The following SLC38A9 variants were observed in gnomAD, a reference collection of about 807,000 sequenced individuals.
The protein encoded by SLC38A9 is neutral amino acid transporter 9.
In SLC38A9, 48 loss-of-function variants were observed where a neutral mutation model predicts 62.3. The ratio of observed to expected loss-of-function variants is 0.77; its 90% CI spans 0.61 to 0.98. SLC38A9 has a LOEUF of 0.98. Ranked by LOEUF, SLC38A9 falls within the 50% of genes least tolerant of loss-of-function variation. The pLI, the probability that SLC38A9 is intolerant of heterozygous loss-of-function variation, is 0.00. For synonymous variants in SLC38A9, 204 were observed against 227.7 expected (o/e 0.90, Z 0.94); for missense variants, 541 against 679.8 (o/e 0.80, Z 2.27).
At chr5:55,710,736 C>G (rs1757914002) in intron 2 of SLC38A9, among the ~76,000 whole-genome samples, 1 of 151,760 alleles carries the variant, frequency 6.6e-6, no homozygotes, top group Non-Finnish European at 1.5e-5. Flanking sequence ...CTGCCTCAGC[C>G]TCCTGAGTAG....
rs190412095 is a variant in SLC38A9, at chr5:55,708,788, G to A, written c.-35+2664C>T. ...TATTTCAGGCTTTTTGAGCCATATA[G>A]TTTCTGCAGCTACTCAATTCTACCT... On this transcript the variant is annotated intron_variant, in intron 2 of 15. Coordinates refer to ENST00000396865, the MANE Select transcript of SLC38A9 (RefSeq NM_173514.4). Among the ~76,000 whole-genome samples, 573 of 152,236 alleles carry A rather than the reference G, an allele frequency of 3.8e-3. 2 individuals are homozygous for A. The highest frequency in any genetic ancestry group is 0.013 in the African/African-American group (540 of 41,530).
chr5:55,656,985 C>A (rs2150227539), intron 8 of SLC38A9, among the ~76,000 whole-genome samples: 1 of 152,184 alleles, frequency 6.6e-6, no homozygotes, highest in African/African-American at 2.4e-5. Context: ...CTCAGCCTCC[C>A]GAGTAGCTGG....
At chr5:55,639,725 C>T (rs185954988) in intron 12 of SLC38A9, among the ~76,000 whole-genome samples, 29 of 152,020 alleles carry the variant, frequency 1.9e-4, no homozygotes, top group African/African-American at 6.5e-4. Context: ...ATATAGTACC[C>T]ATTTAGGTTG....
chr5:55,672,185 AT>A (rs1751437238), intron 4 of SLC38A9, among the ~76,000 whole-genome samples: 1 of 152,186 alleles, frequency 6.6e-6, no homozygotes, highest in South Asian at 2.1e-4. Flanking sequence ...TTCTAAAAAA[AT>A]ATTTCCCTTA....
intron 7 of SLC38A9, among the ~76,000 whole-genome samples, chr5:55,667,743 A>G (rs969961373): frequency 6.6e-6 from 1 of 151,712 alleles, no homozygotes; most frequent in African/African-American, 2.4e-5. Context: ...ATTTTATTTT[A>G]TTTTAAGACA....
intron 9 of SLC38A9, among the ~76,000 whole-genome samples, chr5:55,655,130 A>G (rs1392034319): frequency 6.6e-6 from 1 of 152,196 alleles, no homozygotes; most frequent in Non-Finnish European, 1.5e-5. Context: ...GTGAGCCACC[A>G]TGCTCAGCAG....
intron 7 of SLC38A9, among the ~76,000 whole-genome samples, chr5:55,665,346 G>A (rs1750282924): frequency 6.6e-6 from 1 of 151,998 alleles, no homozygotes; most frequent in South Asian, 2.1e-4. Context: ...AGGAGTTTGA[G>A]ATCAGCCTGG....
At chr5:55,665,880 T>C (rs751387526) in intron 7 of SLC38A9, among the ~76,000 whole-genome samples, 17 of 152,142 alleles carry the variant, frequency 1.1e-4, no homozygotes, top group African/African-American at 3.9e-4. Context: ...GGAGGATCCC[T>C]TGAGACCAGG....
chr5:55,677,350 G>A (rs544736970), intron 3 of SLC38A9, among the ~76,000 whole-genome samples: 1 of 152,276 alleles, frequency 6.6e-6, no homozygotes, highest in East Asian at 1.9e-4. Context: ...CAATATGACT[G>A]TATGCAATGC....
chr5:55,651,268 T>G (rs1244022519), intron 10 of SLC38A9, among the ~76,000 whole-genome samples: 5 of 146,646 alleles, frequency 3.4e-5, no homozygotes, highest in Non-Finnish European at 7.5e-5. Context: ...TTTTTTTTTT[T>G]AAGACAGAGT....
intron 3 of SLC38A9, among the ~76,000 whole-genome samples, chr5:55,681,394 G>T (rs1752979699): frequency 1.3e-5 from 2 of 152,108 alleles, no homozygotes; most frequent in African/African-American, 4.8e-5. Context: ...GCATTTCAGT[G>T]AGTCTTAAGG....
intron 2 of SLC38A9, among the ~76,000 whole-genome samples, chr5:55,707,498 T>C (rs1266987163): frequency 2.0e-5 from 3 of 152,158 alleles, no homozygotes; most frequent in African/African-American, 2.4e-5. Context: ...GGCACACACG[T>C]GTAGTCCCAG....
In SLC38A9 at chr5:55,636,831, G is replaced by T. The variant is rs368163313; in HGVS notation, c.1168-1174C>A. On this transcript the variant is annotated intron_variant, in intron 12 of 15. Transcript: ENST00000396865. ...GGTGGATAAGCCCATGGAGCTAAAG[G>T]CTTATGCAGATTGGTTCCAGCCCTC... Among the ~76,000 whole-genome samples, 18 of 152,270 alleles carry T rather than the reference G, an allele frequency of 1.2e-4. No individual in the cohort carries two copies. The South Asian group carries it at 3.7e-3, about 32-fold the overall frequency.
At chr5:55,680,451 C>A (rs570543158) in intron 3 of SLC38A9, among the ~76,000 whole-genome samples, 10 of 152,232 alleles carry the variant, frequency 6.6e-5, no homozygotes, top group South Asian at 2.1e-4. Flanking sequence ...CGGGAGGGGT[C>A]CCCCCTCATT....
At chr5:55,659,450 C>T (rs1033467043) in intron 8 of SLC38A9, among the ~76,000 whole-genome samples, 6 of 145,108 alleles carry the variant, frequency 4.1e-5, no homozygotes, top group African/African-American at 1.3e-4. Flanking sequence ...TGCAGTGGCA[C>T]GATCTTGGCT....
intron 8 of SLC38A9, 171 bp downstream of exon 8, chr5:55,664,522 T>C: frequency 2.7e-6 from 1 of 371,950 alleles, no homozygotes; most frequent in Non-Finnish European, 4.8e-6. Context: ...TACACTATAT[T>C]TGAGAGCACA....
At chr5:55,680,133 C>T (rs1490287755) in intron 3 of SLC38A9, among the ~76,000 whole-genome samples, 1 of 151,970 alleles carries the variant, frequency 6.6e-6, no homozygotes, top group African/African-American at 2.4e-5. Context: ...AGAAAAATGC[C>T]AGGCTAGCAT....
chr5:55,637,617 C>T (rs925382152), intron 12 of SLC38A9, among the ~76,000 whole-genome samples: 1 of 152,086 alleles, frequency 6.6e-6, no homozygotes, highest in Admixed American at 6.6e-5. Context: ...TTTGTATCCC[C>T]AATACCCAGG....
chr5:55,690,024 C>T (rs1195127179), intron 3 of SLC38A9, among the ~76,000 whole-genome samples: 6 of 151,760 alleles, frequency 4.0e-5, no homozygotes, highest in South Asian at 2.1e-4. Context: ...ATTAAGCAAA[C>T]AAAACTATTT....
Sources: gnomAD v4.1 joint callset for allele counts (sites outside exome capture counted in the v4.1 genomes callset) on GRCh38, gnomAD v4.1.1 for gene constraint, MANE v1.5 for transcripts, NCBI Gene and HGNC (gene_info 2026-07-23, HGNC 2026-07-21) for gene names.